Variants in SNRNP27 observed in about 807,000 individuals in gnomAD.
SNRNP27 encodes the protein small nuclear ribonucleoprotein U4/U6.U5 subunit 27.
Under a neutral mutation model 25.1 loss-of-function variants are expected in SNRNP27, and 22 were observed. That is an observed-to-expected ratio of 0.88 (90% CI 0.63 to 1.25). SNRNP27 has a LOEUF of 1.25. Ranked by LOEUF, SNRNP27 falls within the 50% of genes most tolerant of loss-of-function variation. SNRNP27 has a pLI of 0.00. For missense variants in SNRNP27, 150 were observed against 202.3 expected (o/e 0.74, Z 1.57); for synonymous variants, 66 against 64.9 (o/e 1.02, Z -0.08).
rs1004044998 is a variant in SNRNP27 at position 69,904,646 on chromosome 2, A to C, written c.*338A>C. On this transcript the variant is annotated 3_prime_UTR_variant, in exon 6 of 6. Coordinates refer to ENST00000244227, the MANE Select transcript of SNRNP27 (RefSeq NM_006857.3). ...AAGTAATTTGGAAGTAAGTTTATCCAATAAAGCAGTATTTCTACCCTTTTA... is the reference window on the plus strand; with the variant it reads ...AAGTAATTTGGAAGTAAGTTTATCCCATAAAGCAGTATTTCTACCCTTTTA... The C allele has an allele frequency of 9.0e-6, 4 of 443,342 alleles. No individual in the cohort carries two copies. The highest frequency in any genetic ancestry group is 1.6e-5 in the Non-Finnish European group (4 of 253,680). The allele number at this position is 443,342 out of a possible 1,614,324, so 27.5% of individuals were successfully genotyped here.
chr2:69,894,193 C>T (rs1165364039), intron 1 of SNRNP27, among the ~76,000 whole-genome samples, 175 bp downstream of exon 1: 1 of 152,206 alleles, frequency 6.6e-6, no homozygotes, highest in Non-Finnish European at 1.5e-5. Context: ...TCAGCCCGCC[C>T]TCTCCGGTTT....
At chr2:69,904,228 C>A (rs1382234825) in intron 5 of SNRNP27, 26 bp from the exon 6 acceptor site, 8 of 1,515,752 alleles carry the variant, frequency 5.3e-6, no homozygotes, top group African/African-American at 2.9e-5. Flanking sequence ...TAAAAAAAAA[C>A]AATGAATTTT....
In SNRNP27 at chr2:69,895,176, A is replaced by G; in HGVS notation, c.117A>G (p.Arg39=). Residue 39 remains arginine, a synonymous_variant, in exon 2 of 6, where the codon AGA becomes AGG. Coordinates refer to ENST00000244227, the MANE Select transcript of SNRNP27 (RefSeq NM_006857.3). ...CCAGGTCTCGGGAGAGAGATCGGAGAAGGAGCCGCTCGCGATCCCCGCACC... is the reference window on the plus strand; with the variant it reads ...CCAGGTCTCGGGAGAGAGATCGGAGGAGGAGCCGCTCGCGATCCCCGCACC... ...ERSRSRERDR[R]RSRSRSPHRR... The G allele has an allele frequency of 6.2e-7, 1 of 1,614,074 alleles. No individual in the cohort carries two copies. Among genetic ancestry groups the G allele is most frequent in the Non-Finnish European group, 8.5e-7 (1 of 1,180,002 alleles).
Position 69,894,004 on chromosome 2 carries a change from G to C in SNRNP27, c.20G>C (p.Arg7Pro), listed in dbSNP as rs762159690. The stretch of plus-strand genomic sequence containing the variant: ...CTCCAAATGGGTCGCAGTCGCAGCC[G>C]CTCTCCACGGAGGGGTGAGTCCTGT... MGRSRS[R>P]SPRRERRRSR... is the part of the protein sequence containing the mutation. Residue 7 changes from arginine (R) to proline (P), a missense_variant, in exon 1 of 6, where the codon CGC becomes CCC. By Grantham distance (103) the Arg-to-Pro change is moderately radical (BLOSUM62 -2). Transcript: ENST00000244227. 9 of 1,613,894 alleles carry C rather than the reference G, an allele frequency of 5.6e-6. No individual in the cohort carries two copies. Among genetic ancestry groups the C allele is most frequent in the Non-Finnish European group, 7.6e-6 (9 of 1,179,828 alleles).
At chr2:69,895,971 TTTG>T (rs1420822574) in intron 2 of SNRNP27, among the ~76,000 whole-genome samples, 8 of 110,994 alleles carry the variant, frequency 7.2e-5, no homozygotes, top group African/African-American at 1.6e-4. Flanking sequence ...TTTTTTTTGG[TTTG>T]TTTTTTTTTT....
At chr2:69,894,435 A>G (rs756677077) in intron 1 of SNRNP27, among the ~76,000 whole-genome samples, 3 of 152,192 alleles carry the variant, frequency 2.0e-5, no homozygotes, top group Non-Finnish European at 2.9e-5. Flanking sequence ...TTAATGTCAC[A>G]TCCCATAACA....
rs1192516620 is a variant in SNRNP27, at chr2:69,903,261, A to C, written c.413+16A>C. 1.3e-6 allele frequency: 2 copies of C among 1,578,936 alleles called. No homozygotes were observed. ...GGAAGTACAGGTATGCATAGCCCCC[A>C]TTATTATGTTTGAACTAATAAATCA... On this transcript the variant is annotated intron_variant, in intron 5 of 5. Coordinates refer to ENST00000244227, the MANE Select transcript of SNRNP27 (RefSeq NM_006857.3).
intron 4 of SNRNP27, among the ~76,000 whole-genome samples, chr2:69,900,248 T>C (rs1346241648): frequency 1.3e-5 from 2 of 152,212 alleles, no homozygotes; most frequent in Admixed American, 6.5e-5. Flanking sequence ...GTTTTGTTTA[T>C]TAATGGATAA....
Position 69,904,785 on chromosome 2 carries a change from AAGCAT to A in SNRNP27, c.*479_*483del, listed in dbSNP as rs1342832651. 6.2e-6 allele frequency: 1 copy of A among 161,802 alleles called. No homozygotes were observed. Among genetic ancestry groups the A allele is most frequent in the African/African-American group, 2.4e-5 (1 of 41,714 alleles). 10.0% of individuals were successfully genotyped at this position (161,802 alleles called of 1,614,324 possible). ...TAGTCTAAAAATGGGAAGAATGAAA[AAGCAT>A]AACTAGATTTTTCTATCTTCTGTGG... On this transcript the variant is annotated 3_prime_UTR_variant, in exon 6 of 6. Coordinates refer to ENST00000244227, the MANE Select transcript of SNRNP27 (RefSeq NM_006857.3).
intron 1 of SNRNP27, among the ~76,000 whole-genome samples, chr2:69,894,240 G>C (rs1676561408): frequency 6.6e-6 from 1 of 152,188 alleles, no homozygotes; most frequent in Admixed American, 6.5e-5. Flanking sequence ...GTTTCATTAA[G>C]TCTTTGTCAC....
In SNRNP27 at chr2:69,897,440, C is replaced by T. The variant is rs1676624737; in HGVS notation, c.332C>T (p.Ser111Phe). Residue 111 changes from serine to phenylalanine, a missense_variant, in exon 4 of 6, where the codon TCC becomes TTC. Coordinates refer to ENST00000244227, the MANE Select transcript of SNRNP27 (RefSeq NM_006857.3). ...IEMMKLMGFA[S>F]FDSTKGKKVD... is the part of the protein sequence containing the mutation. ...ATGATGAAGTTAATGGGATTTGCCT[C>T]CTTTGACTCCACAAAAGTAAGTAAA... is the stretch of plus-strand genomic sequence containing the variant. The T allele has an allele frequency of 6.2e-7, 1 of 1,612,724 alleles. No individual in the cohort carries two copies. The highest frequency in any genetic ancestry group is 1.7e-5 in the Admixed American group (1 of 59,976).
chr2:69,902,298 C>T (rs1676714903), intron 4 of SNRNP27, among the ~76,000 whole-genome samples: 1 of 151,100 alleles, frequency 6.6e-6, no homozygotes, highest in African/African-American at 2.4e-5. Flanking sequence ...CCTTCCTCCT[C>T]CTTCTTCCTC....
chr2:69,896,966 G>T (rs1676614967), intron 3 of SNRNP27, among the ~76,000 whole-genome samples: 1 of 152,076 alleles, frequency 6.6e-6, no homozygotes, highest in Non-Finnish European at 1.5e-5. Context: ...GAACCACCGT[G>T]CCCAGCCTGA....
chr2:69,895,315 G>A, intron 2 of SNRNP27, 101 bp downstream of exon 2: 10 of 1,417,946 alleles, frequency 7.1e-6, no homozygotes, highest in Non-Finnish European at 9.5e-6. Flanking sequence ...GGGGATTTAC[G>A]GTTTCCTGAA....
In SNRNP27 at chr2:69,903,197, G is replaced by A; in HGVS notation, c.365G>A (p.Gly122Asp). ...FDSTKGKKVD[G>D]SVNAYAINVS... is the part of the protein sequence containing the mutation. ...TTTCTTCAGGGTAAGAAGGTGGATG[G>A]CTCTGTAAATGCCTATGCCATAAAT... The change falls in exon 5 of 6, where the codon GGC becomes GAC. Residue 122 changes from glycine (G) to aspartate (D), a missense_variant. Around this residue, in one of 2 missense-constraint regions of SNRNP27, gnomAD observed 142 missense variants for 168.6 expected, o/e 0.84. Coordinates refer to ENST00000244227, the MANE Select transcript of SNRNP27 (RefSeq NM_006857.3). 6.2e-7 allele frequency: 1 copy of A among 1,612,836 alleles called. No individual in the cohort carries two copies. The highest frequency in any genetic ancestry group is 8.5e-7 in the Non-Finnish European group (1 of 1,179,000).
intron 4 of SNRNP27, among the ~76,000 whole-genome samples, chr2:69,898,931 T>C (rs1205947310): frequency 6.6e-6 from 1 of 152,214 alleles, no homozygotes; most frequent in East Asian, 1.9e-4. Flanking sequence ...GTTGGGTGAA[T>C]TAAAATATGT....
In SNRNP27 at chr2:69,898,412, G is replaced by GT. The variant is rs200816701; in HGVS notation, c.348+957dup. On this transcript the variant is annotated intron_variant, in intron 4 of 5. Coordinates refer to ENST00000244227, the MANE Select transcript of SNRNP27 (RefSeq NM_006857.3). ...GAGAGATGGGGGAAGAGAGAGATGGGTATAGAGAGAGGAAATGAAGAGAGG... is the reference window on the plus strand; with the variant it reads ...GAGAGATGGGGGAAGAGAGAGATGGGTTATAGAGAGAGGAAATGAAGAGAGG... Among the ~76,000 whole-genome samples, 998 of 37,934 alleles carry GT rather than the reference G, an allele frequency of 0.026. 408 individuals carry two copies. In the African/African-American group the frequency reaches 0.31, roughly 12 times the overall value. 24.9% of individuals were successfully genotyped at this position (37,934 alleles called of 152,430 possible). A position where few individuals can be genotyped will look rare whatever the true frequency, so the allele number is the denominator to read the frequency against.
chr2:69,901,798 C>T (rs1018921641), intron 4 of SNRNP27, among the ~76,000 whole-genome samples: 1 of 152,104 alleles, frequency 6.6e-6, no homozygotes, highest in East Asian at 1.9e-4. Flanking sequence ...TCCAACCTGG[C>T]GACAGTGAGG....
chr2:69,901,026 T>A (rs1005838337), intron 4 of SNRNP27, among the ~76,000 whole-genome samples: 1 of 151,926 alleles, frequency 6.6e-6, no homozygotes, highest in Admixed American at 6.6e-5. Context: ...ATACAAAAAT[T>A]AGCTGGGCGT....
Sources: gnomAD v4.1 joint callset for allele counts (sites outside exome capture counted in the v4.1 genomes callset) on GRCh38, gnomAD v4.1.1 for gene constraint, gnomAD v4.1.1 regional missense constraint, MANE v1.5 for transcripts, NCBI Gene and HGNC (gene_info 2026-07-23, HGNC 2026-07-21) for gene names.